The following CSMD3 variants were observed in gnomAD, a reference collection of about 807,000 sequenced individuals.
CSMD3 encodes the protein CUB and sushi domain-containing protein 3.
In CSMD3, 177 loss-of-function variants were observed where a neutral mutation model predicts 435.2. The ratio of observed to expected loss-of-function variants is 0.41; its 90% confidence interval spans 0.36 to 0.46. The LOEUF is 0.46. CSMD3 is among the 20% of genes least tolerant of loss of function. The pLI, the probability that CSMD3 is intolerant of heterozygous loss-of-function variation, is 0.34. For missense variants in CSMD3, 4,265 were observed against 4,504.6 expected (o/e 0.95, Z 1.52); for synonymous variants, 1,656 against 1,520.5 (o/e 1.09, Z -2.07).
intron 7 of CSMD3, among the ~76,000 whole-genome samples, chr8:112,956,164 C>CT (rs1296791130): frequency 1.3e-5 from 2 of 151,978 alleles, no homozygotes; most frequent in African/African-American, 4.8e-5. Flanking sequence ...TTTTTACCTG[C>CT]TTTTTTCTCT....
chr8:113,135,983 A>T (rs184288117), intron 4 of CSMD3, among the ~76,000 whole-genome samples: 174 of 152,024 alleles, frequency 1.1e-3, no homozygotes, highest in South Asian at 5.6e-3. Flanking sequence ...TAGTGTCAAA[A>T]ATATATCAGG....
chr8:112,444,888 T>C (rs563120899), intron 32 of CSMD3, among the ~76,000 whole-genome samples: 11 of 152,230 alleles, frequency 7.2e-5, no homozygotes, highest in Non-Finnish European at 1.2e-4. Flanking sequence ...AAATGTATGA[T>C]TGAAATGAAA....
rs975981865 is a variant in CSMD3 at position 113,266,083 on chromosome 8, A to G, written c.514+12509T>C. ...AAAATCCAACTGTTTTGCCAGAAGC[A>G]TAATTGACTTGATTCTAAATTGTAA... is the stretch of plus-strand genomic sequence containing the variant. On this transcript the variant is annotated intron_variant, in intron 3 of 70. Transcript: ENST00000297405. Among the ~76,000 whole-genome samples, 6 of 151,220 alleles carry G rather than the reference A, an allele frequency of 4.0e-5. No individual in the cohort carries two copies. The East Asian group carries it at 7.7e-4, about 19-fold the overall frequency.
At chr8:113,266,179 C>CT (rs1215373966) in intron 3 of CSMD3, among the ~76,000 whole-genome samples, 8 of 103,976 alleles carry the variant, frequency 7.7e-5, no homozygotes, top group Admixed American at 2.5e-4. Context: ...AACCCCTAAA[C>CT]TTAAAAAAAA....
chr8:113,342,015 A>C (rs542653716), intron 1 of CSMD3, among the ~76,000 whole-genome samples: 4 of 152,222 alleles, frequency 2.6e-5, no homozygotes, highest in African/African-American at 9.6e-5. Flanking sequence ...ACTATTTTCC[A>C]TAATAAGGAA....
At chr8:113,055,720 T>C (rs1317504580) in intron 5 of CSMD3, among the ~76,000 whole-genome samples, 1 of 152,168 alleles carries the variant, frequency 6.6e-6, no homozygotes, top group Non-Finnish European at 1.5e-5. Flanking sequence ...AGAAGGGTTA[T>C]AAAGGAAGAT....
At chr8:112,688,443 A>G (rs1190790158) in intron 14 of CSMD3, among the ~76,000 whole-genome samples, 2 of 152,138 alleles carry the variant, frequency 1.3e-5, no homozygotes, top group Non-Finnish European at 1.5e-5. Flanking sequence ...TTACTTAGCT[A>G]TATGTCAATA....
chr8:112,922,202 A>T (rs546469165), intron 9 of CSMD3, among the ~76,000 whole-genome samples: 1 of 152,162 alleles, frequency 6.6e-6, no homozygotes, highest in African/African-American at 2.4e-5. Context: ...ATTGATTTTC[A>T]TAAGGTGTTT....
At chr8:113,097,949 T>G (rs963390662) in intron 5 of CSMD3, among the ~76,000 whole-genome samples, 1 of 152,042 alleles carries the variant, frequency 6.6e-6, no homozygotes. Flanking sequence ...TGACTCTAAT[T>G]CCAGCTACCG....
chr8:112,789,834 C>T (rs1295118862), intron 13 of CSMD3, among the ~76,000 whole-genome samples: 1 of 151,744 alleles, frequency 6.6e-6, no homozygotes. Context: ...TATAACTATG[C>T]CTTACATAAT....
intron 56 of CSMD3, among the ~76,000 whole-genome samples, chr8:112,289,877 C>T (rs1225276325): frequency 6.6e-6 from 1 of 152,014 alleles, no homozygotes; most frequent in African/African-American, 2.4e-5. Context: ...CGAACTGTAT[C>T]TGTTCCTGGT....
rs369677383 is a variant in CSMD3, at chr8:113,357,003, G to A, written c.179-42210C>T. Reference sequence around the variant, plus strand: ...AATAAAATAGGCAAATATGAATCTAGAACAGAGAGATACTTAAAAACTCCT... The same window carrying A: ...AATAAAATAGGCAAATATGAATCTAAAACAGAGAGATACTTAAAAACTCCT... On this transcript the variant is annotated intron_variant, in intron 1 of 70. Transcript: ENST00000297405. Among the ~76,000 whole-genome samples the A allele has an allele frequency of 5.7e-4, 87 of 151,810 alleles. No individual in the cohort carries two copies. The East Asian group carries it at 0.016, about 28-fold the overall frequency.
intron 59 of CSMD3, among the ~76,000 whole-genome samples, chr8:112,265,949 C>A (rs1394987116): frequency 3.3e-5 from 5 of 152,064 alleles, no homozygotes; most frequent in African/African-American, 4.8e-5. Context: ...ATTTGAAATT[C>A]ATATTCCTAT....
At chr8:112,716,889 C>G (rs753922819) in intron 13 of CSMD3, among the ~76,000 whole-genome samples, 8 of 152,242 alleles carry the variant, frequency 5.3e-5, no homozygotes, top group Non-Finnish European at 1.2e-4. Flanking sequence ...AAAACTGAAG[C>G]TGGACCCCTT....
chr8:113,212,575 C>T (rs1224819801), intron 3 of CSMD3, among the ~76,000 whole-genome samples: 1 of 152,076 alleles, frequency 6.6e-6, no homozygotes, highest in African/African-American at 2.4e-5. Flanking sequence ...ATGATGAATT[C>T]ACGTCCTTTG....
At chr8:112,534,093 C>T (rs1252295991) in intron 27 of CSMD3, among the ~76,000 whole-genome samples, 1 of 152,038 alleles carries the variant, frequency 6.6e-6, no homozygotes, top group African/African-American at 2.4e-5. Flanking sequence ...AATTGACACC[C>T]TAACATCACA....
intron 5 of CSMD3, among the ~76,000 whole-genome samples, chr8:113,061,153 C>T (rs2088595055): frequency 6.6e-6 from 1 of 152,052 alleles, no homozygotes; most frequent in Non-Finnish European, 1.5e-5. Flanking sequence ...CTTTCCACTC[C>T]TTCTCAGATC....
chr8:112,413,458 T>C, intron 32 of CSMD3, among the ~76,000 whole-genome samples: 1 of 152,214 alleles, frequency 6.6e-6, no homozygotes. Flanking sequence ...TGAGACTTCA[T>C]CCAATTTGCT....
chr8:112,968,578 C>T (rs1241188186), intron 7 of CSMD3, among the ~76,000 whole-genome samples: 1 of 151,914 alleles, frequency 6.6e-6, no homozygotes, highest in African/African-American at 2.4e-5. Context: ...GATTTAATCT[C>T]TCTTACACAG....
Sources: allele counts gnomAD v4.1 joint callset (sites outside exome capture counted in the v4.1 genomes callset), GRCh38; gene constraint gnomAD v4.1.1; transcripts MANE v1.5; gene names NCBI Gene and HGNC (gene_info 2026-07-23, HGNC 2026-07-21).